The following MCOLN3 variants were observed in gnomAD, a reference collection of about 807,000 sequenced individuals.
MCOLN3 encodes mucolipin TRP cation channel 3.
MCOLN3 carries 62 observed loss-of-function variants against 69.4 expected under a neutral mutation model. That is an observed-to-expected ratio of 0.89 (90% CI 0.73 to 1.10). The LOEUF is 1.10. MCOLN3 is among the 50% of genes least tolerant of loss of function. The probability of loss-of-function intolerance (pLI) is 0.00; values close to 1 mark genes in which losing one functional copy is unlikely to be tolerated. For synonymous variants in MCOLN3, 183 were observed against 217.0 expected, an observed-to-expected ratio of 0.84 and a Z score of 1.38; for missense variants, 564 against 656.4, an observed-to-expected ratio of 0.86 and a Z score of 1.54.
intron 5 of MCOLN3, 27 bp from the exon 6 acceptor site, chr1:85,032,819 T>C (rs1652605903): frequency 6.2e-7 from 1 of 1,613,678 alleles, no homozygotes; most frequent in Non-Finnish European, 8.5e-7. Flanking sequence ...ATTTTAGTTC[T>C]GTGGCAATAT....
At chr1:85,029,249 G>C (rs1392755735) in intron 6 of MCOLN3, 44 bp from the exon 7 acceptor site, 15 of 1,255,196 alleles carry the variant, frequency 1.2e-5, no homozygotes, top group Non-Finnish European at 1.6e-5. Context: ...TATAGTTTTG[G>C]AGCCAAGAAA....
Position 85,032,592 on chromosome 1 carries a change from A to T in MCOLN3, c.732+104T>A, listed in dbSNP as rs149723827. The T allele has an allele frequency of 1.2e-5, 10 of 855,776 alleles. No homozygotes were observed. The African/African-American group carries it at 1.7e-4, about 14-fold the overall frequency. The allele number at this position is 855,776 out of a possible 1,614,324, so 53.0% of individuals were successfully genotyped here. ...CCCTTATGCACATTCAAGTGAAAAC[A>T]TCCTATATTTTTTTATCACACCGTA... On this transcript the variant is annotated intron_variant, in intron 6 of 12. Transcript: ENST00000370589.
At chr1:85,034,395 C>G in intron 3 of MCOLN3, 144 bp from the exon 4 acceptor site, 1 of 725,466 alleles carries the variant, frequency 1.4e-6, no homozygotes, top group Non-Finnish European at 2.3e-6. Flanking sequence ...AAGTGACTTG[C>G]TGCTGTGCAC....
chr1:85,043,893 C>A (rs1039234681), intron 2 of MCOLN3, among the ~76,000 whole-genome samples: 1 of 151,112 alleles, frequency 6.6e-6, no homozygotes, highest in Non-Finnish European at 1.5e-5. Context: ...GGCTGGAGTG[C>A]AGTGGTGTGA....
At chr1:85,032,018 G>A (rs965646825) in intron 6 of MCOLN3, among the ~76,000 whole-genome samples, 8 of 152,188 alleles carry the variant, frequency 5.3e-5, no homozygotes, top group South Asian at 2.1e-4. Context: ...GGAGCTTGCA[G>A]TGAGCCGAGA....
At position 85,021,176 on chromosome 1, in the gene MCOLN3, A is replaced by G; in HGVS notation, c.1421T>C (p.Val474Ala). Residue 474 changes from valine to alanine, a missense_variant, in exon 12 of 13, where the codon GTC becomes GCC. By Grantham distance (64) the Val-to-Ala change is moderately conservative. Transcript: ENST00000370589. ...FAKMQQKSYL[V>A]WLFSRIYLYS... is the part of the protein sequence containing the mutation. ...GAGGTAAATTCTACTAAACAGCCAG[A>G]CTAAGTAACTTTTTTGCTGCATTTT... 6.2e-7 allele frequency: 1 copy of G among 1,613,804 alleles called. No homozygotes were observed. The highest frequency in any genetic ancestry group is 8.5e-7 in the Non-Finnish European group (1 of 1,179,810).
At position 85,018,490 on chromosome 1, in the gene MCOLN3, T is replaced by TACATACATTAA. The variant is rs1183628665; in HGVS notation, c.*632_*633insTTAATGTATGT. 3 of 152,426 alleles carry TACATACATTAA rather than the reference T, an allele frequency of 2.0e-5. No homozygotes were observed. Among genetic ancestry groups the TACATACATTAA allele is most frequent in the Non-Finnish European group, 4.4e-5 (3 of 68,224 alleles). 9.4% of individuals were successfully genotyped at this position (152,426 alleles called of 1,614,324 possible). On this transcript the variant is annotated 3_prime_UTR_variant, in exon 13 of 13. Coordinates refer to ENST00000370589, the MANE Select transcript of MCOLN3 (RefSeq NM_018298.11). ...GCTATACCATCTAGGTTTGTGGAAG[T>TACATACATTAA]ACATGCTATGATGTTTAATGACAAA...
At position 85,021,170 on chromosome 1, in the gene MCOLN3, A is replaced by C; in HGVS notation, c.1427T>G (p.Leu476Arg). ...KMQQKSYLVW[L>R]FSRIYLYSFI... ...TGAGTAGAGGTAAATTCTACTAAAC[A>C]GCCAGACTAAGTAACTTTTTTGCTG... Residue 476 changes from leucine to arginine, a missense_variant, in exon 12 of 13, where the codon CTG (leucine) becomes CGG (arginine). Coordinates refer to ENST00000370589, the MANE Select transcript of MCOLN3 (RefSeq NM_018298.11). The C allele has an allele frequency of 6.2e-7, 1 of 1,613,652 alleles. No individual in the cohort carries two copies. The highest frequency in any genetic ancestry group is 8.5e-7 in the Non-Finnish European group (1 of 1,179,672).
rs1652682384 is a variant in MCOLN3 at position 85,034,121 on chromosome 1, T to C, written c.527A>G (p.Asp176Gly). 2 of 1,614,212 alleles carry C rather than the reference T, an allele frequency of 1.2e-6. No individual in the cohort carries two copies. Among genetic ancestry groups the C allele is most frequent in the East Asian group, 4.5e-5 (2 of 44,894 alleles). Residue 176 changes from aspartate (D) to glycine (G), a missense_variant, in exon 4 of 13, where the codon GAC (aspartate) becomes GGC (glycine). Coordinates refer to ENST00000370589, the MANE Select transcript of MCOLN3 (RefSeq NM_018298.11). ...ACCAGTTTCAATTTCTGGATCGATG[T>C]CAAAGGTATCATTTCCAGGGTAGAT... ...GNIYPGNDTF[D>G]IDPEIETECF...
Position 85,047,840 on chromosome 1 carries a change from C to T in MCOLN3, c.-3+556G>A, listed in dbSNP as rs114730193. On this transcript the variant is annotated intron_variant, in intron 1 of 12. Coordinates refer to ENST00000370589, the MANE Select transcript of MCOLN3 (RefSeq NM_018298.11). ...GCAGGGTTGCAGCGATGTCCCAGAG[C>T]GGTCGCTGCCATCCCCGGGCACTGC... Among the ~76,000 whole-genome samples, 1,315 of 152,362 alleles carry T rather than the reference C, an allele frequency of 8.6e-3. 17 individuals are homozygous for T. The highest frequency in any genetic ancestry group is 0.031 in the African/African-American group (1,272 of 41,584).
intron 3 of MCOLN3, among the ~76,000 whole-genome samples, chr1:85,037,535 C>A (rs1652855536): frequency 6.6e-6 from 1 of 152,216 alleles, no homozygotes; most frequent in South Asian, 2.1e-4. Flanking sequence ...GCTGCAGGTA[C>A]CTGTTCACAT....
In MCOLN3 at chr1:85,029,097, AT is replaced by A. The variant is rs752775535; in HGVS notation, c.832+8del. 56 of 1,518,654 alleles carry A rather than the reference AT, an allele frequency of 3.7e-5. No homozygotes were observed. The East Asian group carries it at 1.2e-3, about 34-fold the overall frequency. The allele number at this position is 1,518,654 out of a possible 1,614,324, so 94.1% of individuals were successfully genotyped here. A position where few individuals can be genotyped will look rare whatever the true frequency, so the allele number is the denominator to read the frequency against. ...ACCATTCTGAAAACTAGTAATGCGC[AT>A]CACTTACTTGATCCAGATACATGCC... is the stretch of plus-strand genomic sequence containing the variant. On this transcript the variant is annotated splice_region_variant and intron_variant, in intron 7 of 12. Transcript: ENST00000370589.
At chr1:85,025,782 G>A in intron 9 of MCOLN3, 157 bp downstream of exon 9, 1 of 729,124 alleles carries the variant, frequency 1.4e-6, no homozygotes, top group African/African-American at 1.8e-5. Context: ...GAGACCTCCT[G>A]ACTAGATTTA....
intron 7 of MCOLN3, among the ~76,000 whole-genome samples, chr1:85,027,804 G>A (rs978758777): frequency 1.3e-5 from 2 of 152,182 alleles, no homozygotes; most frequent in Admixed American, 6.5e-5. Flanking sequence ...TCGAAAGTGC[G>A]AAGTCCTGGC....
intron 7 of MCOLN3, among the ~76,000 whole-genome samples, chr1:85,026,845 T>A: frequency 7.1e-6 from 1 of 141,030 alleles, no homozygotes. Flanking sequence ...TACAATTACC[T>A]CCCTGCATAT....
At chr1:85,026,320 T>C (rs1182415340) in intron 7 of MCOLN3, 36 bp from the exon 8 acceptor site, 1 of 1,336,422 alleles carries the variant, frequency 7.5e-7, no homozygotes, top group South Asian at 1.2e-5. Flanking sequence ...GCTTATGTAG[T>C]GGGACATTAA....
chr1:85,040,923 TTGAA>T, intron 3 of MCOLN3, 83 bp downstream of exon 3: 2 of 1,304,468 alleles, frequency 1.5e-6, no homozygotes, highest in Non-Finnish European at 2.1e-6. Flanking sequence ...CCTTCTCCAC[TTGAA>T]TGTCAGTTTC....
At chr1:85,034,076 C>T in intron 4 of MCOLN3, 22 bp downstream of exon 4, 1 of 1,613,158 alleles carries the variant, frequency 6.2e-7, no homozygotes, top group South Asian at 1.1e-5. Flanking sequence ...AATTGAGGTT[C>T]TAGGTTATAG....
intron 2 of MCOLN3, 93 bp from the exon 3 acceptor site, chr1:85,041,270 A>C (rs756967244): frequency 1.6e-5 from 16 of 1,005,728 alleles, no homozygotes; most frequent in Non-Finnish European, 2.1e-5. Context: ...CAAATAGAAG[A>C]GTTTAAAATG....
Sources: allele counts gnomAD v4.1 joint callset (sites outside exome capture counted in the v4.1 genomes callset), GRCh38; gene constraint gnomAD v4.1.1; transcripts MANE v1.5; gene names NCBI Gene and HGNC (gene_info 2026-07-23, HGNC 2026-07-21).